The following TEX9 variants were observed in gnomAD, a reference collection of about 807,000 sequenced individuals.
The protein encoded by TEX9 is testis-expressed protein 9.
A neutral mutation model predicts 59.6 loss-of-function variants in TEX9; 74 were observed. The ratio of observed to expected loss-of-function variants is 1.24; its 90% CI spans 1.03 to 1.51. TEX9 has a LOEUF of 1.51. TEX9 is among the 40% of genes most tolerant of loss of function. The pLI is 0.00. For synonymous variants in TEX9, 186 were observed against 152.2 expected (o/e 1.22, Z -1.64); for missense variants, 522 against 447.8 (o/e 1.17, Z -1.49).
At chr15:56,359,698 A>G (rs1307248924) in intron 1 of TEX9, among the ~76,000 whole-genome samples, 1 of 152,072 alleles carries the variant, frequency 6.6e-6, no homozygotes, top group Non-Finnish European at 1.5e-5. Context: ...ATCTATACAC[A>G]AAGATGGTTT....
intron 1 of TEX9, among the ~76,000 whole-genome samples, chr15:56,277,829 T>G (rs1180461177): frequency 6.6e-6 from 1 of 152,250 alleles, no homozygotes; most frequent in African/African-American, 2.4e-5. Flanking sequence ...AGGAGATGAC[T>G]GTATTCCTCC....
chr15:56,368,174 A>G (rs953048019), intron 2 of TEX9, among the ~76,000 whole-genome samples: 4 of 152,074 alleles, frequency 2.6e-5, no homozygotes, highest in African/African-American at 4.8e-5. Context: ...TTAATTCCTA[A>G]TTTGAATGAG....
chr15:56,305,318 A>G (rs1294545825), intron 1 of TEX9, among the ~76,000 whole-genome samples: 1 of 152,204 alleles, frequency 6.6e-6, no homozygotes, highest in Non-Finnish European at 1.5e-5. Context: ...CAGAATGGCC[A>G]AGGTCACCTT....
chr15:56,454,874 C>A, the TEX9 span, among the ~76,000 whole-genome samples: 1 of 152,140 alleles, frequency 6.6e-6, no homozygotes, highest in African/African-American at 2.4e-5. Context: ...ATCCCTTAAT[C>A]TGTGTCTAAT....
intron 1 of TEX9, among the ~76,000 whole-genome samples, chr15:56,252,395 T>TTTTTTG (rs1555428860): frequency 8.6e-5 from 13 of 150,442 alleles, no homozygotes; most frequent in African/African-American, 3.0e-4. Context: ...TTTTTTTTTT[T>TTTTTTG]GTCCAGGCCA....
chr15:56,368,746 T>C (rs1216525739), intron 2 of TEX9, among the ~76,000 whole-genome samples: 1 of 152,176 alleles, frequency 6.6e-6, no homozygotes, highest in Non-Finnish European at 1.5e-5. Flanking sequence ...TCCATAACCA[T>C]GTACACCCCT....
downstream of TEX9, chr15:56,447,649 TCA>T (rs1419558145): frequency 1.3e-5 from 2 of 152,342 alleles, no homozygotes; most frequent in Admixed American, 6.5e-5. Context: ...TTTTTAGTTT[TCA>T]GTTTTACTGA....
chr15:56,349,420 C>G (rs1044697172), intron 1 of TEX9, among the ~76,000 whole-genome samples: 2 of 152,170 alleles, frequency 1.3e-5, no homozygotes, highest in Admixed American at 1.3e-4. Flanking sequence ...ACTTTATACA[C>G]ATAATTTTGG....
intron 1 of TEX9, among the ~76,000 whole-genome samples, chr15:56,248,096 A>G (rs994939246): frequency 2.6e-5 from 4 of 152,228 alleles, no homozygotes; most frequent in African/African-American, 4.8e-5. Flanking sequence ...ATAAGTTTCA[A>G]TGCTGTAATG....
intron 1 of TEX9, among the ~76,000 whole-genome samples, chr15:56,246,751 T>G (rs1199901079): frequency 6.6e-6 from 1 of 152,212 alleles, no homozygotes; most frequent in African/African-American, 2.4e-5. Context: ...AGCCTAAGTT[T>G]ATTCTCTACT....
At chr15:56,389,496 C>G (rs1421524715) in intron 6 of TEX9, 96 bp downstream of exon 6, 7 of 861,380 alleles carry the variant, frequency 8.1e-6, no homozygotes, top group Non-Finnish European at 9.1e-6. Flanking sequence ...TTTTCCAGAT[C>G]TTTTTACACC....
rs530934546 is a variant in TEX9, at chr15:56,344,519, A to G, written c.-106-28922A>G. The stretch of plus-strand genomic sequence containing the variant: ...CTTACAGCTAGGTGGGTGGAGGGAA[A>G]TGGGAAGTGAGTCTTAATGGGCACG... On this transcript the variant is annotated intron_variant, in intron 1 of 5. Transcript: ENST00000560827. Among the ~76,000 whole-genome samples the G allele has an allele frequency of 7.2e-4, 110 of 152,260 alleles. 1 individual carries two copies. Among genetic ancestry groups the G allele is most frequent in the Admixed American group, 3.7e-3 (57 of 15,280 alleles).
rs570949910 is a variant in TEX9 at position 56,268,720 on chromosome 15, G to A, written c.-107+24442G>A. ...AGCTTTTTGATGTGCTGCTGGATTCGTTTTGCCAGTATTTTATTGAGGATT... is the reference window on the plus strand; with the variant it reads ...AGCTTTTTGATGTGCTGCTGGATTCATTTTGCCAGTATTTTATTGAGGATT... On this transcript the variant is annotated intron_variant, in intron 1 of 5. Transcript: ENST00000560827. Among the ~76,000 whole-genome samples the A allele has an allele frequency of 3.9e-5, 6 of 151,904 alleles. No homozygotes were observed. The East Asian group carries it at 5.8e-4, about 15-fold the overall frequency.
intron 1 of TEX9, among the ~76,000 whole-genome samples, chr15:56,292,220 G>A (rs532713717): frequency 3.2e-4 from 49 of 152,302 alleles, no homozygotes; most frequent in African/African-American, 1.2e-3. Context: ...GGTCTGTATT[G>A]CCAGGGGTGG....
intron 1 of TEX9, among the ~76,000 whole-genome samples, chr15:56,348,815 G>A (rs1685397615): frequency 6.6e-6 from 1 of 151,810 alleles, no homozygotes; most frequent in Non-Finnish European, 1.5e-5. Flanking sequence ...TGTTTCTTCT[G>A]CCTCATTCTG....
chr15:56,326,472 G>A (rs984907432), intron 1 of TEX9, among the ~76,000 whole-genome samples: 8 of 151,984 alleles, frequency 5.3e-5, no homozygotes, highest in African/African-American at 1.7e-4. Context: ...AAACATCCAC[G>A]TTTTACATAA....
intron 1 of TEX9, among the ~76,000 whole-genome samples, chr15:56,351,210 A>T (rs2046572174): frequency 6.6e-6 from 1 of 152,178 alleles, no homozygotes. Context: ...AAATGTGTAG[A>T]TCCAAAGTAA....
intron 4 of TEX9, among the ~76,000 whole-genome samples, chr15:56,387,594 T>A (rs2048018426): frequency 6.6e-6 from 1 of 151,950 alleles, no homozygotes; most frequent in African/African-American, 2.4e-5. Flanking sequence ...CTCCAATGGT[T>A]AGGAGTTCTC....
intron 1 of TEX9, among the ~76,000 whole-genome samples, chr15:56,269,835 T>A (rs2044482342): frequency 6.6e-6 from 1 of 151,980 alleles, no homozygotes; most frequent in Admixed American, 6.6e-5. Context: ...TTTTTGTATT[T>A]TTAGTAGAGA....
Sources: gnomAD v4.1 joint callset for allele counts (sites outside exome capture counted in the v4.1 genomes callset) on GRCh38, gnomAD v4.1.1 for gene constraint, MANE v1.5 for transcripts, NCBI Gene and HGNC (gene_info 2026-07-23, HGNC 2026-07-21) for gene names.